Variants in TRAP1 observed in about 807,000 individuals in gnomAD.
The protein encoded by TRAP1 is heat shock protein 75 kDa, mitochondrial.
In TRAP1, 102 loss-of-function variants were observed where a neutral mutation model predicts 89.1. That is an observed-to-expected ratio of 1.15 (90% CI 0.98 to 1.35). The LOEUF is 1.35. Among genes scored for constraint, TRAP1 ranks in the 40% most tolerant of loss-of-function variants. TRAP1 has a pLI of 0.00. For synonymous variants in TRAP1, 508 were observed against 388.0 expected (o/e 1.31, Z -3.64); for missense variants, 1,256 against 945.3 (o/e 1.33, Z -4.31).
intron 1 of TRAP1, among the ~76,000 whole-genome samples, chr16:3,708,201 A>G (rs2051477224): frequency 6.6e-6 from 1 of 151,920 alleles, no homozygotes; most frequent in South Asian, 2.1e-4. Context: ...CTGCCTCTAA[A>G]ATAAAATTTA....
rs2050860849 is a variant in TRAP1, at chr16:3,668,031, C to T, written c.1236-1913G>A. On this transcript the variant is annotated intron_variant, in intron 11 of 17. Coordinates refer to ENST00000246957, the MANE Select transcript of TRAP1 (RefSeq NM_016292.3). ...GCAATCTCCACCTCCCAGGTTCAAG[C>T]AATTCTCTGCCTCAGCCTCCCGAGT... Among the ~76,000 whole-genome samples, 2 of 150,460 alleles carry T rather than the reference C, an allele frequency of 1.3e-5. 1 individual carries two copies. The highest frequency in any genetic ancestry group is 4.2e-4 in the South Asian group (2 of 4,752).
chr16:3,677,560 T>C lies in TRAP1; in HGVS notation c.642A>G (p.Arg214=), dbSNP rs752358157. 1.9e-6 allele frequency: 3 copies of C among 1,613,990 alleles called. No individual in the cohort carries two copies. Among genetic ancestry groups the C allele is most frequent in the Non-Finnish European group, 8.5e-7 (1 of 1,180,016 alleles). ...GFYSAFMVAD[R]VEVYSRSAAP... Reference sequence around the variant, plus strand: ...CTGCCGAGCGGGAATAGACCTCCACTCTGTCAGCCACCATGAAAGCTGAGT... The same window carrying C: ...CTGCCGAGCGGGAATAGACCTCCACCCTGTCAGCCACCATGAAAGCTGAGT... The change falls in exon 6 of 18, where the codon AGA becomes AGG. Residue 214 remains arginine, a synonymous_variant. Transcript: ENST00000246957.
intron 6 of TRAP1, among the ~76,000 whole-genome samples, chr16:3,677,260 G>C (rs530978744): frequency 6.6e-6 from 1 of 152,190 alleles, no homozygotes; most frequent in African/African-American, 2.4e-5. Flanking sequence ...AGCTCAGCGC[G>C]GGCCGGACCT....
At chr16:3,686,431 C>T (rs1298855944) in intron 3 of TRAP1, among the ~76,000 whole-genome samples, 1 of 152,052 alleles carries the variant, frequency 6.6e-6, no homozygotes, top group Non-Finnish European at 1.5e-5. Flanking sequence ...AATCCTCCCA[C>T]CTCAGCCTCC....
At chr16:3,706,192 A>G (rs896895025) in intron 1 of TRAP1, among the ~76,000 whole-genome samples, 6 of 152,042 alleles carry the variant, frequency 3.9e-5, no homozygotes, top group Non-Finnish European at 7.4e-5. Context: ...GACCTCAAGT[A>G]ATCCACCCAC....
chr16:3,672,808 A>G lies in TRAP1; in HGVS notation c.1057T>C (p.Phe353Leu). The G allele has an allele frequency of 6.2e-7, 1 of 1,612,926 alleles. No homozygotes were observed. The change falls in exon 10 of 18, where the codon TTT becomes CTT. Residue 353 changes from phenylalanine to leucine, a missense_variant. Coordinates refer to ENST00000246957, the MANE Select transcript of TRAP1 (RefSeq NM_016292.3). ...GAGCCCAGCTCCCGGCTCACATCAAACATGGACGGTTTCTGGGGGTGAGGA... is the reference window on the plus strand; with the variant it reads ...GAGCCCAGCTCCCGGCTCACATCAAGCATGGACGGTTTCTGGGGGTGAGGA... The part of the protein sequence containing the change: ...FYVPDMKPSM[F>L]DVSRELGSSV...
intron 13 of TRAP1, 158 bp downstream of exon 13, chr16:3,664,116 A>G: frequency 1.4e-6 from 1 of 738,284 alleles, no homozygotes; most frequent in Non-Finnish European, 2.0e-6. Context: ...AGTGGGAAAC[A>G]GCCGTCACAG....
intron 3 of TRAP1, among the ~76,000 whole-genome samples, chr16:3,687,991 A>G (rs952531675): frequency 6.6e-6 from 1 of 152,146 alleles, no homozygotes; most frequent in African/African-American, 2.4e-5. Flanking sequence ...TCAGGAATGC[A>G]GCACTCATCA....
chr16:3,666,206 T>C (rs767837749), intron 11 of TRAP1, 88 bp from the exon 12 acceptor site: 86 of 1,470,726 alleles, frequency 5.8e-5, no homozygotes, highest in Non-Finnish European at 7.5e-5. Flanking sequence ...TCAGCCCCGC[T>C]AAGAATCAAA....
At chr16:3,681,740 G>A (rs2051075990) in intron 4 of TRAP1, among the ~76,000 whole-genome samples, 1 of 151,952 alleles carries the variant, frequency 6.6e-6, no homozygotes, top group South Asian at 2.1e-4. Context: ...TTAGACCAAG[G>A]TAAAGGAAAA....
At chr16:3,697,387 A>G (rs778042125) in intron 1 of TRAP1, among the ~76,000 whole-genome samples, 1 of 152,058 alleles carries the variant, frequency 6.6e-6, no homozygotes, top group Admixed American at 6.6e-5. Flanking sequence ...ATTAGTCGCC[A>G]GGAGCGGTGG....
At chr16:3,690,728 G>A (rs1255301632) in intron 2 of TRAP1, 99 bp downstream of exon 2, 8 of 1,215,908 alleles carry the variant, frequency 6.6e-6, no homozygotes, top group Non-Finnish European at 8.6e-6. Context: ...CACCTAAGGC[G>A]GTGGCTCTAC....
At position 3,662,889 on chromosome 16, in the gene TRAP1, T is replaced by C. The variant is rs756764244; in HGVS notation, c.1787A>G (p.Asn596Ser). 1 of 1,613,570 alleles carries C rather than the reference T, an allele frequency of 6.2e-7. No homozygotes were observed. The highest frequency in any genetic ancestry group is 8.5e-7 in the Non-Finnish European group (1 of 1,179,966). The change falls in exon 15 of 18, where the codon AAC becomes AGC. Residue 596 changes from asparagine to serine, a missense_variant. Asn to Ser is a conservative substitution (Grantham distance 46). Coordinates refer to ENST00000246957, the MANE Select transcript of TRAP1 (RefSeq NM_016292.3). ...MRNVLGSRVT[N>S]VKVTLRLDTH... ...TCCCCGGGAAAGCCTCACCTTCACG[T>C]TGGTGACACGCGACCCCAGCACATT...
intron 1 of TRAP1, among the ~76,000 whole-genome samples, chr16:3,691,395 A>T (rs72778152): frequency 0.16 from 24,894 of 152,066 alleles, 2,399 homozygotes; most frequent in South Asian, 0.27. Context: ...TTTTTAAAAA[A>T]TTTTTTGTAG....
intron 5 of TRAP1, among the ~76,000 whole-genome samples, chr16:3,679,476 G>A (rs549428943): frequency 7.0e-4 from 106 of 152,218 alleles, no homozygotes; most frequent in Non-Finnish European, 1.2e-3. Context: ...TTTAATCCGG[G>A]ACTGGAGCAT....
intron 8 of TRAP1, chr16:3,674,793 TAC>T (rs768108680): frequency 5.2e-5 from 24 of 459,886 alleles, no homozygotes; most frequent in Non-Finnish European, 8.8e-5. Context: ...AGCTGACGAA[TAC>T]AGTGTGGGCC....
intron 3 of TRAP1, among the ~76,000 whole-genome samples, chr16:3,688,373 C>G (rs959090594): frequency 6.6e-6 from 1 of 152,156 alleles, no homozygotes; most frequent in Non-Finnish European, 1.5e-5. Flanking sequence ...CTTCTTCCTC[C>G]GGCAGCCAAA....
chr16:3,677,777 A>G, intron 5 of TRAP1, 119 bp from the exon 6 acceptor site: 1 of 1,222,330 alleles, frequency 8.2e-7, no homozygotes, highest in Non-Finnish European at 1.1e-6. Flanking sequence ...AGCCACACCG[A>G]GTACTTTTCC....
rs371962678 is a variant in TRAP1 at position 3,666,110 on chromosome 16, C to T, written c.1244G>A (p.Arg415Gln). The T allele has an allele frequency of 2.9e-5, 46 of 1,610,904 alleles. No homozygotes were observed. Among genetic ancestry groups the T allele is most frequent in the Middle Eastern group, 1.7e-4 (1 of 6,056 alleles). ...GATCAGCCTCTGCTGTAAAACGTCC[C>T]GGAGTTTCCTACAGAAAAGAAATGC... is the stretch of plus-strand genomic sequence containing the variant. ...LQESALIRKLRDVLQQRLIKF... is the reference protein window; with the variant it reads ...LQESALIRKLQDVLQQRLIKF... Residue 415 changes from arginine (R) to glutamine (Q), a missense_variant, in exon 12 of 18, where the codon CGG becomes CAG. Arg to Gln is a conservative substitution (Grantham distance 43). Coordinates refer to ENST00000246957, the MANE Select transcript of TRAP1 (RefSeq NM_016292.3).
Sources: gnomAD v4.1 joint callset for allele counts (sites outside exome capture counted in the v4.1 genomes callset) on GRCh38, gnomAD v4.1.1 for gene constraint, MANE v1.5 for transcripts, NCBI Gene and HGNC (gene_info 2026-07-23, HGNC 2026-07-21) for gene names.